The following ERC2 variants were observed in gnomAD, a reference collection of about 807,000 sequenced individuals.
ERC2 encodes the protein ERC protein 2.
In ERC2, 42 loss-of-function variants were observed where a neutral mutation model predicts 114.8. That is an observed-to-expected ratio of 0.37 (90% CI 0.29 to 0.47). ERC2 has a LOEUF of 0.47. Ranked by LOEUF, ERC2 falls within the 20% of genes least tolerant of loss-of-function variation. The probability of loss-of-function intolerance (pLI) is 0.99; values close to 1 mark genes in which losing one functional copy is unlikely to be tolerated. For synonymous variants in ERC2, 454 were observed against 425.5 expected (o/e 1.07, Z -0.82); for missense variants, 939 against 1,150.7 (o/e 0.82, Z 2.66).
At chr3:56,184,552 C>T (rs2083475693) in intron 3 of ERC2, among the ~76,000 whole-genome samples, 1 of 152,164 alleles carries the variant, frequency 6.6e-6, no homozygotes, top group South Asian at 2.1e-4. Flanking sequence ...CTTACCGCCC[C>T]ATGGAAAAGG....
At chr3:55,895,657 C>A (rs1488374605) in intron 13 of ERC2, among the ~76,000 whole-genome samples, 1 of 152,132 alleles carries the variant, frequency 6.6e-6, no homozygotes, top group Non-Finnish European at 1.5e-5. Flanking sequence ...TCTTTGCAAG[C>A]CCCTTCAGTA....
chr3:56,009,558 T>C (rs1576546943), intron 9 of ERC2, among the ~76,000 whole-genome samples: 1 of 152,188 alleles, frequency 6.6e-6, no homozygotes, highest in Admixed American at 6.5e-5. Flanking sequence ...TGTGCTGTGG[T>C]ACCGTCCAGC....
intron 2 of ERC2, among the ~76,000 whole-genome samples, chr3:56,311,551 G>A (rs1213566079): frequency 1.3e-5 from 2 of 151,340 alleles, no homozygotes; most frequent in Non-Finnish European, 2.9e-5. Context: ...CGCCCGCCTC[G>A]GCCTTCTAAA....
At chr3:56,451,337 C>A (rs563999326) in intron 1 of ERC2, among the ~76,000 whole-genome samples, 1 of 151,058 alleles carries the variant, frequency 6.6e-6, no homozygotes, top group African/African-American at 2.4e-5. Flanking sequence ...TAATCACATA[C>A]GTGAGGAAAA....
intron 3 of ERC2, among the ~76,000 whole-genome samples, chr3:56,232,223 T>C (rs1394763712): frequency 6.6e-6 from 1 of 150,944 alleles, no homozygotes; most frequent in African/African-American, 2.4e-5. Flanking sequence ...CCTGCCTCAG[T>C]CTCCCAAAGT....
At chr3:55,734,632 G>A (rs1265058863) in intron 15 of ERC2, 139 bp downstream of exon 15, 2 of 915,808 alleles carry the variant, frequency 2.2e-6, no homozygotes, top group African/African-American at 1.7e-5. Context: ...GCGACAACTG[G>A]GTCCATTGCA....
chr3:56,029,498 T>C (rs973846884), intron 7 of ERC2, among the ~76,000 whole-genome samples: 9 of 152,094 alleles, frequency 5.9e-5, no homozygotes, highest in African/African-American at 1.7e-4. Context: ...ACACCTTCAA[T>C]GTATTTCATG....
chr3:55,620,608 C>A (rs1033261361), intron 17 of ERC2, among the ~76,000 whole-genome samples: 28 of 152,280 alleles, frequency 1.8e-4, no homozygotes, highest in African/African-American at 6.5e-4. Context: ...GGTATATGGT[C>A]TTGGATTTGT....
chr3:56,231,788 A>C (rs1560425901), intron 3 of ERC2, among the ~76,000 whole-genome samples: 1 of 152,190 alleles, frequency 6.6e-6, no homozygotes, highest in Admixed American at 6.6e-5. Flanking sequence ...GTCAATAGTG[A>C]CTTCACTAAC....
chr3:55,539,411 CTTTCTTTTTTTTT>C (rs2054225769), intron 17 of ERC2, among the ~76,000 whole-genome samples: 1 of 49,070 alleles, frequency 2.0e-5, no homozygotes, highest in East Asian at 8.5e-4. Context: ...CTCTTTTTTT[CTTTCTTTTTTTTT>C]TTTTTTTTTT....
chr3:55,600,848 G>T (rs928742701), intron 17 of ERC2, among the ~76,000 whole-genome samples: 6 of 152,248 alleles, frequency 3.9e-5, no homozygotes, highest in Admixed American at 2.6e-4. Flanking sequence ...GCCTGGGCAA[G>T]TACCCACGTG....
At chr3:55,935,700 A>C (rs2066397691) in intron 13 of ERC2, among the ~76,000 whole-genome samples, 1 of 152,206 alleles carries the variant, frequency 6.6e-6, no homozygotes, top group Admixed American at 6.5e-5. Context: ...ACATGTGTGC[A>C]TACAGGGTGC....
At chr3:56,162,758 A>G (rs935618228) in intron 4 of ERC2, among the ~76,000 whole-genome samples, 1 of 151,354 alleles carries the variant, frequency 6.6e-6, no homozygotes, top group Non-Finnish European at 1.5e-5. Flanking sequence ...ATTTATTTGG[A>G]TCTTTTTTTC....
intron 17 of ERC2, among the ~76,000 whole-genome samples, chr3:55,511,588 A>C (rs764713768): frequency 1.4e-4 from 21 of 152,244 alleles, no homozygotes; most frequent in Non-Finnish European, 2.9e-4. Context: ...AAAATGTTCC[A>C]GTGATTATTT....
rs1016862142 is a variant in ERC2, at chr3:55,851,815, G to C, written c.2564+36574C>G. On this transcript the variant is annotated intron_variant, in intron 14 of 17. Coordinates refer to ENST00000288221, the MANE Select transcript of ERC2 (RefSeq NM_015576.3). ...TGTCACACCATTGTTGGCCATGGGA[G>C]CTCAGCCTAATAAGGAGAAGATATG... Among the ~76,000 whole-genome samples the C allele has an allele frequency of 2.6e-5, 4 of 152,004 alleles. No homozygotes were observed. The South Asian group carries it at 8.3e-4, about 31-fold the overall frequency.
At chr3:55,628,664 A>T (rs2059619984) in intron 17 of ERC2, among the ~76,000 whole-genome samples, 1 of 152,224 alleles carries the variant, frequency 6.6e-6, no homozygotes, top group Admixed American at 6.5e-5. Flanking sequence ...CTAAAGGCTC[A>T]GTAGGAAAGG....
intron 14 of ERC2, among the ~76,000 whole-genome samples, chr3:55,843,174 G>A (rs946660447): frequency 1.3e-5 from 2 of 152,164 alleles, no homozygotes; most frequent in Admixed American, 1.3e-4. Context: ...TCCAGCCTGT[G>A]CCTTTGAAGG....
intron 4 of ERC2, among the ~76,000 whole-genome samples, chr3:56,157,179 G>A (rs1442572037): frequency 6.6e-6 from 1 of 152,154 alleles, no homozygotes; most frequent in Non-Finnish European, 1.5e-5. Context: ...CACATATTGG[G>A]ACCTTGCTGT....
At chr3:56,198,703 C>T (rs569790295) in intron 3 of ERC2, among the ~76,000 whole-genome samples, 2 of 152,184 alleles carry the variant, frequency 1.3e-5, no homozygotes, top group Non-Finnish European at 1.5e-5. Context: ...AGGCCTCTGA[C>T]GTTCAGTCAA....
Sources: allele counts gnomAD v4.1 joint callset (sites outside exome capture counted in the v4.1 genomes callset), GRCh38; gene constraint gnomAD v4.1.1; transcripts MANE v1.5; gene names NCBI Gene and HGNC (gene_info 2026-07-23, HGNC 2026-07-21).